MSI2: variants seen among roughly 807,000 people sequenced by gnomAD.
MSI2 encodes RNA-binding protein Musashi homolog 2.
Under a neutral mutation model 45.6 loss-of-function variants are expected in MSI2, and 17 were observed. The ratio of observed to expected loss-of-function variants is 0.37; its 90% CI spans 0.26 to 0.56. The LOEUF is 0.56. MSI2 is among the 20% of genes least tolerant of loss of function. The probability of loss-of-function intolerance (pLI) is 0.77; values close to 1 mark genes in which losing one functional copy is unlikely to be tolerated. For synonymous variants in MSI2, 156 were observed against 158.2 expected, an observed-to-expected ratio of 0.99 and a Z score of 0.11; for missense variants, 293 against 444.2, an observed-to-expected ratio of 0.66 and a Z score of 3.06.
At chr17:57,672,739 G>A (rs941861924) in intron 11 of MSI2, among the ~76,000 whole-genome samples, 4 of 152,206 alleles carry the variant, frequency 2.6e-5, no homozygotes, top group Non-Finnish European at 5.9e-5. Context: ...TCAGCTGCCT[G>A]GACAAAACCA....
At chr17:57,575,052 A>C (rs147418775) in intron 7 of MSI2, among the ~76,000 whole-genome samples, 2 of 151,760 alleles carry the variant, frequency 1.3e-5, no homozygotes, top group South Asian at 2.1e-4. Context: ...GGATGGTCTC[A>C]ATCTCCTGAC....
At chr17:57,557,949 G>A (rs1051287435) in intron 7 of MSI2, among the ~76,000 whole-genome samples, 6 of 152,114 alleles carry the variant, frequency 3.9e-5, no homozygotes, top group African/African-American at 7.2e-5. Flanking sequence ...GAGGACCTCC[G>A]GGGCTGCAGC....
chr17:57,397,227 T>C (rs1359413351), intron 5 of MSI2, among the ~76,000 whole-genome samples: 1 of 152,200 alleles, frequency 6.6e-6, no homozygotes, highest in Non-Finnish European at 1.5e-5. Context: ...CAGGTGGCTC[T>C]CTCTTCACTG....
intron 5 of MSI2, among the ~76,000 whole-genome samples, chr17:57,353,914 C>A (rs149946302): frequency 5.9e-5 from 9 of 152,102 alleles, no homozygotes; most frequent in African/African-American, 2.2e-4. Context: ...ATATTTTAGG[C>A]TTTCAGGGAT....
In MSI2 at chr17:57,336,781, C is replaced by A. The variant is rs148509569; in HGVS notation, c.313-64598C>A. ...GAGGAACTAAAATGTGTGTTATTTG[C>A]CTACTGCCGCGTAACAAATTACCCC... On this transcript the variant is annotated intron_variant, in intron 5 of 13. Coordinates refer to ENST00000284073, the MANE Select transcript of MSI2 (RefSeq NM_138962.4). Among the ~76,000 whole-genome samples the A allele has an allele frequency of 3.5e-4, 53 of 152,238 alleles. 1 individual carries two copies. Among genetic ancestry groups the A allele is most frequent in the South Asian group, 1.7e-3 (8 of 4,820 alleles).
At chr17:57,446,794 C>T (rs1043130602) in intron 6 of MSI2, among the ~76,000 whole-genome samples, 2 of 152,158 alleles carry the variant, frequency 1.3e-5, no homozygotes, top group Non-Finnish European at 2.9e-5. Context: ...AAGAACTTTG[C>T]AGCAGAAGGA....
chr17:57,347,663 C>T (rs1306356970), intron 5 of MSI2, among the ~76,000 whole-genome samples: 2 of 152,140 alleles, frequency 1.3e-5, no homozygotes, highest in Non-Finnish European at 2.9e-5. Context: ...GATTTCTACC[C>T]CCCTGAAAGC....
intron 5 of MSI2, chr17:57,285,841 C>A: frequency 2.1e-6 from 3 of 1,457,066 alleles, no homozygotes; most frequent in Non-Finnish European, 2.7e-6. Flanking sequence ...TCCTACCACT[C>A]ACTTTCTGTT....
chr17:57,510,410 T>TC (rs1228762026), intron 6 of MSI2, among the ~76,000 whole-genome samples: 1 of 149,714 alleles, frequency 6.7e-6, no homozygotes, highest in Admixed American at 6.7e-5. Context: ...GTTTTTTTTT[T>TC]TGTTTGTTTG....
At chr17:57,570,209 C>T (rs1441361846) in intron 7 of MSI2, among the ~76,000 whole-genome samples, 1 of 152,154 alleles carries the variant, frequency 6.6e-6, no homozygotes, top group Non-Finnish European at 1.5e-5. Context: ...CTGGGGAGCT[C>T]TTAGAGAAGA....
chr17:57,428,689 A>T (rs2084539168), intron 6 of MSI2, among the ~76,000 whole-genome samples: 1 of 152,170 alleles, frequency 6.6e-6, no homozygotes, highest in Non-Finnish European at 1.5e-5. Flanking sequence ...TGAGTAGCAA[A>T]AAGCTGGGTC....
At chr17:57,297,396 A>G (rs1331101367) in intron 5 of MSI2, among the ~76,000 whole-genome samples, 6 of 152,144 alleles carry the variant, frequency 3.9e-5, no homozygotes, top group Admixed American at 3.3e-4. Context: ...AGTGTGCAAT[A>G]CATTATGCCT....
At chr17:57,477,200 G>C (rs899855137) in intron 6 of MSI2, among the ~76,000 whole-genome samples, 1 of 121,826 alleles carries the variant, frequency 8.2e-6, no homozygotes, top group African/African-American at 3.1e-5. Flanking sequence ...GTGTGTGTGT[G>C]TCGGAGGGTG....
Position 57,596,656 on chromosome 17 carries a change from T to TGAAATCATTAAC in MSI2, c.455-211_455-200dup, listed in dbSNP as rs1244587143. Among the ~76,000 whole-genome samples, 2 of 152,192 alleles carry TGAAATCATTAAC rather than the reference T, an allele frequency of 1.3e-5. No individual in the cohort carries two copies. Among genetic ancestry groups the TGAAATCATTAAC allele is most frequent in the African/African-American group, 4.8e-5 (2 of 41,454 alleles). On this transcript the variant is annotated intron_variant, in intron 7 of 13. Coordinates refer to ENST00000284073, the MANE Select transcript of MSI2 (RefSeq NM_138962.4). This position sits in a 1 kb window ranked among gnomAD's most constrained non-coding sequence, Gnocchi z 4.6. ...CCACACAGTGCCCGCTGCATGTGGGTGAAATCATTAACTTTTCCTCGCTGT... is the reference window on the plus strand; with the variant it reads ...CCACACAGTGCCCGCTGCATGTGGGTGAAATCATTAACGAAATCATTAACTTTTCCTCGCTGT...
chr17:57,512,190 A>T (rs886567838), intron 6 of MSI2, among the ~76,000 whole-genome samples: 7 of 152,196 alleles, frequency 4.6e-5, no homozygotes, highest in African/African-American at 1.7e-4. Context: ...CTCTGTCCCC[A>T]TGAACTCAAG....
intron 8 of MSI2, among the ~76,000 whole-genome samples, chr17:57,610,230 A>C (rs993541723): frequency 6.6e-6 from 1 of 152,174 alleles, no homozygotes; most frequent in Non-Finnish European, 1.5e-5. Context: ...AGGCGGGAAG[A>C]TCACGAGGTC....
intron 7 of MSI2, among the ~76,000 whole-genome samples, chr17:57,551,874 G>T (rs1344901896): frequency 6.6e-6 from 1 of 152,186 alleles, no homozygotes; most frequent in Admixed American, 6.5e-5. Context: ...CGCTCCTGTA[G>T]AAAGAGAAGC....
chr17:57,537,252 G>A (rs776591052), intron 7 of MSI2, among the ~76,000 whole-genome samples: 23 of 152,272 alleles, frequency 1.5e-4, no homozygotes, highest in Non-Finnish European at 2.8e-4. Flanking sequence ...CTGGGACTGT[G>A]TGAGGGGGTG....
intron 6 of MSI2, among the ~76,000 whole-genome samples, chr17:57,405,457 A>G (rs772613430): frequency 3.9e-5 from 6 of 152,238 alleles, no homozygotes; most frequent in Non-Finnish European, 7.3e-5. Context: ...AAAGTCAGTA[A>G]TGTAGAAAGT....
Sources: allele counts gnomAD v4.1 joint callset (sites outside exome capture counted in the v4.1 genomes callset), GRCh38; gene constraint gnomAD v4.1.1; non-coding constraint Gnocchi (gnomAD v3.1); transcripts MANE v1.5; gene names NCBI Gene and HGNC (gene_info 2026-07-23, HGNC 2026-07-21).